The following CYP24A1 variants were observed in gnomAD, a reference collection of about 807,000 sequenced individuals.
CYP24A1 encodes the protein cytochrome P450 family 24 subfamily A member 1.
CYP24A1 carries 68 observed loss-of-function variants against 62.4 expected under a neutral mutation model. The ratio of observed to expected loss-of-function variants is 1.09; its 90% confidence interval spans 0.90 to 1.33. The LOEUF is 1.33. CYP24A1 is among the 40% of genes most tolerant of loss of function. CYP24A1 has a pLI of 0.00. For synonymous variants in CYP24A1, 267 were observed against 253.0 expected, an observed-to-expected ratio of 1.06 and a Z score of -0.52; for missense variants, 787 against 653.0, an observed-to-expected ratio of 1.21 and a Z score of -2.24.
downstream of CYP24A1, among the ~76,000 whole-genome samples, chr20:54,152,767 G>A (rs1024635328): frequency 2.6e-5 from 4 of 152,136 alleles, no homozygotes; most frequent in Non-Finnish European, 4.4e-5. Flanking sequence ...TTGCAGAATC[G>A]GATCTTTACG....
At chr20:54,162,024 T>C (rs1052349424) in intron 7 of CYP24A1, among the ~76,000 whole-genome samples, 1 of 152,204 alleles carries the variant, frequency 6.6e-6, no homozygotes, top group Non-Finnish European at 1.5e-5. Context: ...TGAATGCCTA[T>C]GGCAGGATTT....
In CYP24A1 at chr20:54,164,433, G is replaced by A. The variant is rs373292619; in HGVS notation, c.844+19C>T. ...GGTGCTGGGCTGGTTCTGGCTGGTT[G>A]TGAAGGGCGGCCCTTTACCTGATTT... On this transcript the variant is annotated intron_variant, in intron 6 of 11. Transcript: ENST00000216862. The A allele has an allele frequency of 9.3e-6, 15 of 1,613,926 alleles. No individual in the cohort carries two copies. In the African/African-American group the frequency reaches 1.7e-4, roughly 19 times the overall value.
At position 54,169,617 on chromosome 20, in the gene CYP24A1, G is replaced by T. The variant is rs776207583; in HGVS notation, c.615C>A (p.Ser205Arg). 1.2e-6 allele frequency: 2 copies of T among 1,614,106 alleles called. No individual in the cohort carries two copies. The highest frequency in any genetic ancestry group is 1.7e-6 in the Non-Finnish European group (2 of 1,180,020). ...TTTCAAACGACCATTTGTTCAGTTC[G>T]CTGTACAAGTCTTCAACGTGGCCTC... ...DERGHVEDLY[S>R]ELNKWSFESI... Residue 205 changes from serine to arginine, a missense_variant, in exon 4 of 12, where the codon AGC becomes AGA. Ser to Arg is a moderately radical substitution (Grantham distance 110). Transcript: ENST00000216862.
chr20:54,156,056 T>C (rs1257369019), intron 11 of CYP24A1, among the ~76,000 whole-genome samples: 1 of 152,210 alleles, frequency 6.6e-6, no homozygotes, highest in African/African-American at 2.4e-5. Context: ...AAATATTCTA[T>C]TGTGTTCAAT....
chr20:54,167,950 T>G (rs2092678155), intron 4 of CYP24A1, among the ~76,000 whole-genome samples: 2 of 152,172 alleles, frequency 1.3e-5, no homozygotes, highest in Admixed American at 1.3e-4. Context: ...CAGCTCCCGG[T>G]TACTTACAGG....
rs61749689 is a variant in CYP24A1 at position 54,173,466 on chromosome 20, C to A, written c.114G>T (p.Pro38=). The A allele has an allele frequency of 0.022, 34,787 of 1,566,106 alleles. 466 individuals carry two copies. Among genetic ancestry groups the A allele is most frequent in the Middle Eastern group, 0.034 (203 of 6,006 alleles). ...VTSTAYTSPQ[P]REVPVCPLTA... The stretch of plus-strand genomic sequence containing the variant: ...TCAGCGGGCAGACTGGCACCTCTCG[C>A]GGCTGAGGGGACGTGTACGCCGTAG... Residue 38 remains proline, a synonymous_variant, in exon 1 of 12, where the codon CCG becomes CCT. Transcript: ENST00000216862. The surrounding 1 kb of genome is among the most constrained non-coding windows in gnomAD (Gnocchi z 7.2).
In CYP24A1 at chr20:54,173,193, C is replaced by T. The variant is rs2092700741; in HGVS notation, c.259-94G>A. The T allele has an allele frequency of 4.6e-6, 7 of 1,537,718 alleles. No individual in the cohort carries two copies. The highest frequency in any genetic ancestry group is 2.3e-5 in the East Asian group (1 of 44,172). ...TCCCGCCTCCTTCCTCCTAGGGGAC[C>T]GGGGACCCTCCCTGCCCAGACGCCG... On this transcript the variant is annotated intron_variant, in intron 1 of 11. Transcript: ENST00000216862. The surrounding 1 kb of genome is among the most constrained non-coding windows in gnomAD (Gnocchi z 7.2).
downstream of CYP24A1, among the ~76,000 whole-genome samples, chr20:54,149,210 G>A (rs570985796): frequency 7.2e-5 from 11 of 152,226 alleles, no homozygotes; most frequent in South Asian, 1.5e-3. Flanking sequence ...CCCAGGACTC[G>A]TGCCAAGTTG....
intron 6 of CYP24A1, among the ~76,000 whole-genome samples, chr20:54,164,175 A>G (rs2092662564): frequency 6.6e-6 from 1 of 152,146 alleles, no homozygotes; most frequent in African/African-American, 2.4e-5. Context: ...GCCTCAAGTG[A>G]TCTGCTCGCC....
chr20:54,149,498 AT>A (rs1447150370), downstream of CYP24A1, among the ~76,000 whole-genome samples: 2 of 152,254 alleles, frequency 1.3e-5, no homozygotes, highest in East Asian at 3.9e-4. Flanking sequence ...TGTCCAAATA[AT>A]TTTTTTGAGA....
chr20:54,147,020 G>C, the CYP24A1 span, among the ~76,000 whole-genome samples: 1 of 152,196 alleles, frequency 6.6e-6, no homozygotes, highest in Non-Finnish European at 1.5e-5. Flanking sequence ...GCTTTCTCCT[G>C]AATACTTGCT....
chr20:54,153,841 T>A lies in CYP24A1; in HGVS notation c.*931A>T, dbSNP rs2092617518. The A allele has an allele frequency of 6.6e-6, 1 of 152,626 alleles. No individual in the cohort carries two copies. Among genetic ancestry groups the A allele is most frequent in the Non-Finnish European group, 1.5e-5 (1 of 68,020 alleles). The allele number at this position is 152,626 out of a possible 1,614,324, so 9.5% of individuals were successfully genotyped here. A position where few individuals can be genotyped will look rare whatever the true frequency, so the allele number is the denominator to read the frequency against. ...CACAAAACAAATGTTATATAACAGATCTCTAACTTTTGCATGCTTTACACT... is the reference window on the plus strand; with the variant it reads ...CACAAAACAAATGTTATATAACAGAACTCTAACTTTTGCATGCTTTACACT... On this transcript the variant is annotated 3_prime_UTR_variant, in exon 12 of 12. Coordinates refer to ENST00000216862, the MANE Select transcript of CYP24A1 (RefSeq NM_000782.5).
chr20:54,157,997 C>T, intron 9 of CYP24A1, 89 bp downstream of exon 9: 1 of 1,575,434 alleles, frequency 6.3e-7, no homozygotes, highest in Non-Finnish European at 8.6e-7. Flanking sequence ...GAATATTTTC[C>T]AGTACAAAGT....
At position 54,154,320 on chromosome 20, in the gene CYP24A1, C is replaced by T. The variant is rs2092619206; in HGVS notation, c.*452G>A. ...TTTTTATTTCAATGCAGGAAGAACG[C>T]AATTTCATGGGAGGCCTGATAACTT... On this transcript the variant is annotated 3_prime_UTR_variant, in exon 12 of 12. Transcript: ENST00000216862. 1 of 152,148 alleles carries T rather than the reference C, an allele frequency of 6.6e-6. No homozygotes were observed. The highest frequency in any genetic ancestry group is 1.5e-5 in the Non-Finnish European group (1 of 68,030). The allele number at this position is 152,148 out of a possible 1,614,324, so 9.4% of individuals were successfully genotyped here.
At chr20:54,166,140 C>A (rs1292222257) in intron 4 of CYP24A1, among the ~76,000 whole-genome samples, 1 of 152,130 alleles carries the variant, frequency 6.6e-6, no homozygotes, top group Non-Finnish European at 1.5e-5. Context: ...GCTGCAGGGT[C>A]GGGTCTGCAC....
intron 4 of CYP24A1, among the ~76,000 whole-genome samples, chr20:54,168,813 TC>T (rs752358994): frequency 0.011 from 665 of 59,920 alleles, no homozygotes; most frequent in Middle Eastern, 0.028. Flanking sequence ...CCTCCCTCCC[TC>T]CCTCCTTCCT....
rs756766732 is a variant in CYP24A1, at chr20:54,157,325, C to G, written c.1435-36G>C. On this transcript the variant is annotated intron_variant, in intron 10 of 11. Coordinates refer to ENST00000216862, the MANE Select transcript of CYP24A1 (RefSeq NM_000782.5). ...CACGCACACAAAAACAGAATTACCC[C>G]TCTCTTCTTCTGCCTTGTGAAACAG... 1.6e-5 allele frequency: 23 copies of G among 1,474,808 alleles called. No homozygotes were observed. The East Asian group carries it at 4.1e-4, about 26-fold the overall frequency. The allele number at this position is 1,474,808 out of a possible 1,614,324, so 91.4% of individuals were successfully genotyped here.
In CYP24A1 at chr20:54,161,200, C is replaced by T. The variant is rs188521993; in HGVS notation, c.990+1517G>A. On this transcript the variant is annotated intron_variant, in intron 7 of 11. Coordinates refer to ENST00000216862, the MANE Select transcript of CYP24A1 (RefSeq NM_000782.5). ...TTCTGTAGCTCCATCCCTCTTTCTG[C>T]CCCAGGGCCTTTGCATGGGCCGTTT... Among the ~76,000 whole-genome samples, 3 of 152,364 alleles carry T rather than the reference C, an allele frequency of 2.0e-5. No homozygotes were observed. In the East Asian group the frequency reaches 5.8e-4, roughly 29 times the overall value.
rs114476330 is a variant in CYP24A1, at chr20:54,172,999, C to A, written c.359G>T (p.Arg120Leu). ...CCGCTGCGGGTACGCGCTCTCGGTG[C>A]GGTACAGCGCTTCCAGCAGGCATGG... is the stretch of plus-strand genomic sequence containing the variant. ...GSPCLLEALY[R>L]TESAYPQRLE... The change falls in exon 2 of 12, where the codon CGC becomes CTC. Residue 120 changes from arginine to leucine, a missense_variant. Physicochemically the swap from Arg to Leu is moderately radical, Grantham distance 102 (BLOSUM62 -2). Coordinates refer to ENST00000216862, the MANE Select transcript of CYP24A1 (RefSeq NM_000782.5). 45 of 1,612,006 alleles carry A rather than the reference C, an allele frequency of 2.8e-5. No individual in the cohort carries two copies. In the African/African-American group the frequency reaches 4.1e-4, roughly 15 times the overall value.
Sources: allele counts gnomAD v4.1 joint callset (sites outside exome capture counted in the v4.1 genomes callset), GRCh38; gene constraint gnomAD v4.1.1; non-coding constraint Gnocchi (gnomAD v3.1); transcripts MANE v1.5; gene names NCBI Gene and HGNC (gene_info 2026-07-23, HGNC 2026-07-21).